The following SLC5A12 variants were observed in gnomAD, a reference collection of about 807,000 sequenced individuals.
The protein encoded by SLC5A12 is sodium-coupled monocarboxylate transporter 2.
Under a neutral mutation model 72.7 loss-of-function variants are expected in SLC5A12, and 46 were observed. That is an observed-to-expected ratio of 0.63 (90% CI 0.50 to 0.81). SLC5A12 has a LOEUF of 0.81. Among genes scored for constraint, SLC5A12 ranks in the 30% least tolerant of loss-of-function variants. The probability of loss-of-function intolerance (pLI) is 0.00; values close to 1 mark genes in which losing one functional copy is unlikely to be tolerated. For synonymous variants in SLC5A12, 275 were observed against 264.4 expected (o/e 1.04, Z -0.39); for missense variants, 683 against 740.7 (o/e 0.92, Z 0.90).
At position 26,721,710 on chromosome 11, in the gene SLC5A12, T is replaced by C. The variant is rs1239740578; in HGVS notation, c.5A>G (p.Glu2Gly). The C allele has an allele frequency of 6.2e-7, 1 of 1,611,640 alleles. No homozygotes were observed. The highest frequency in any genetic ancestry group is 1.3e-5 in the African/African-American group (1 of 74,756). Reference protein sequence around the residue: MEVKNFAVWDYV... With the variant: MGVKNFAVWDYV... ...ATCCCAAACTGCAAAGTTCTTCACCTCCATATTGGAAAGTATGACACCAGA... is the reference window on the plus strand; with the variant it reads ...ATCCCAAACTGCAAAGTTCTTCACCCCCATATTGGAAAGTATGACACCAGA... The change falls in exon 1 of 15, where the codon GAG (glutamate) becomes GGG (glycine). Residue 2 changes from glutamate to glycine, a missense_variant. Physicochemically the swap from Glu to Gly is moderately conservative, Grantham distance 98. Transcript: ENST00000396005.
intron 3 of SLC5A12, among the ~76,000 whole-genome samples, chr11:26,710,587 C>G (rs1439602116): frequency 6.6e-6 from 1 of 152,018 alleles, no homozygotes; most frequent in Non-Finnish European, 1.5e-5. Flanking sequence ...TTGCATTTCT[C>G]TAATTACCAG....
At chr11:26,675,441 T>C (rs1053361473) in intron 13 of SLC5A12, among the ~76,000 whole-genome samples, 1 of 152,136 alleles carries the variant, frequency 6.6e-6, no homozygotes, top group Non-Finnish European at 1.5e-5. Flanking sequence ...TATCATCTCT[T>C]TCATGAGCAA....
rs1565185557 is a variant in SLC5A12 at position 26,680,306 on chromosome 11, T to TATATATATGTATATATATTC, written c.1475+748_1475+749insGAATATATATACATATATAT. ...CTTTATATATATGTATATATATTCA[T>TATATATATGTATATATATTC]ATATATATATGTATATATATTCATA... On this transcript the variant is annotated intron_variant, in intron 12 of 14. Coordinates refer to ENST00000396005, the MANE Select transcript of SLC5A12 (RefSeq NM_178498.4). Among the ~76,000 whole-genome samples the TATATATATGTATATATATTC allele has an allele frequency of 8.0e-3, 171 of 21,276 alleles. 33 individuals carry two copies. Among genetic ancestry groups the TATATATATGTATATATATTC allele is most frequent in the East Asian group, 0.033 (13 of 400 alleles). The allele number at this position is 21,276 out of a possible 152,430, so 14.0% of individuals were successfully genotyped here.
chr11:26,692,471 T>C lies in SLC5A12; in HGVS notation c.1153+18A>G. 3 of 1,521,238 alleles carry C rather than the reference T, an allele frequency of 2.0e-6. No homozygotes were observed. Among genetic ancestry groups the C allele is most frequent in the Non-Finnish European group, 2.7e-6 (3 of 1,095,186 alleles). 94.2% of individuals were successfully genotyped at this position (1,521,238 alleles called of 1,614,324 possible). A position where few individuals can be genotyped will look rare whatever the true frequency, so the allele number is the denominator to read the frequency against. ...ACATTTCATGATATGGAATAGAAAG[T>C]CCACCAGCTGTACCTACATAAGCCT... On this transcript the variant is annotated intron_variant, in intron 9 of 14. Transcript: ENST00000396005.
chr11:26,681,272 G>A (rs1854407011), intron 11 of SLC5A12, 51 bp from the exon 12 acceptor site: 1 of 1,452,396 alleles, frequency 6.9e-7, no homozygotes, highest in South Asian at 1.4e-5. Flanking sequence ...GCTGTCTATG[G>A]AAAGAATAAT....
chr11:26,698,294 T>G, intron 7 of SLC5A12, 112 bp downstream of exon 7: 1 of 1,372,884 alleles, frequency 7.3e-7, no homozygotes, highest in Non-Finnish European at 9.8e-7. Context: ...TCTTGGGGTT[T>G]GAGAAATAGT....
chr11:26,722,874 T>A (rs750391687), upstream of SLC5A12, among the ~76,000 whole-genome samples: 18 of 150,682 alleles, frequency 1.2e-4, no homozygotes, highest in Admixed American at 2.7e-4. Flanking sequence ...TTCTACAAGA[T>A]CTAGTATGAG....
intron 1 of SLC5A12, among the ~76,000 whole-genome samples, chr11:26,719,868 TGATATCTA>T (rs1291754926): frequency 6.6e-6 from 1 of 152,208 alleles, no homozygotes; most frequent in Non-Finnish European, 1.5e-5. Context: ...ATTTAGCATA[TGATATCTA>T]AAGTTAGACT....
At chr11:26,687,676 A>G (rs895848429) in intron 9 of SLC5A12, among the ~76,000 whole-genome samples, 13 of 152,206 alleles carry the variant, frequency 8.5e-5, no homozygotes, top group Admixed American at 6.5e-4. Context: ...TCATTACATG[A>G]TATTCCTTAT....
intron 13 of SLC5A12, among the ~76,000 whole-genome samples, chr11:26,677,065 T>C (rs1252761316): frequency 1.3e-5 from 2 of 152,188 alleles, no homozygotes; most frequent in East Asian, 1.9e-4. Flanking sequence ...TGTTAAAGCC[T>C]CTTAGTGAGC....
At chr11:26,691,164 C>A (rs1007692302) in intron 9 of SLC5A12, among the ~76,000 whole-genome samples, 2 of 151,630 alleles carry the variant, frequency 1.3e-5, no homozygotes, top group East Asian at 1.9e-4. Context: ...CAAAAATATA[C>A]AAATCATTAC....
At chr11:26,683,409 C>T (rs144454199) in intron 11 of SLC5A12, among the ~76,000 whole-genome samples, 169 of 152,164 alleles carry the variant, frequency 1.1e-3, no homozygotes, top group African/African-American at 3.4e-3. Flanking sequence ...TTTGTAAATA[C>T]GAATTTTCAA....
At chr11:26,694,461 A>C (rs948521771) in intron 8 of SLC5A12, among the ~76,000 whole-genome samples, 3 of 152,156 alleles carry the variant, frequency 2.0e-5, no homozygotes, top group African/African-American at 7.2e-5. Context: ...GGGACGAAAG[A>C]AAGGACAGAG....
At chr11:26,685,379 G>T (rs946560427) in intron 10 of SLC5A12, among the ~76,000 whole-genome samples, 7 of 152,074 alleles carry the variant, frequency 4.6e-5, no homozygotes, top group Non-Finnish European at 1.0e-4. Flanking sequence ...CCCAGCACTC[G>T]GAGGCCGAGG....
At chr11:26,708,279 A>G (rs1288485319) in intron 4 of SLC5A12, among the ~76,000 whole-genome samples, 3 of 152,026 alleles carry the variant, frequency 2.0e-5, no homozygotes, top group Non-Finnish European at 2.9e-5. Flanking sequence ...CAGAGCAACT[A>G]ATCTATTATA....
Position 26,671,064 on chromosome 11 carries a change from T to TGTGTGTGC in SLC5A12, c.*37_*38insGCACACAC. 2 of 1,566,790 alleles carry TGTGTGTGC rather than the reference T, an allele frequency of 1.3e-6. No homozygotes were observed. The highest frequency in any genetic ancestry group is 2.3e-5 in the South Asian group (2 of 85,506). ...TGTGGAGTTTGTGTGTGTGTGTGTGTATTGCACGTGTGTGTGTGCATTCAT... is the reference window on the plus strand; with the variant it reads ...TGTGGAGTTTGTGTGTGTGTGTGTGTGTGTGTGCATTGCACGTGTGTGTGTGCATTCAT... On this transcript the variant is annotated 3_prime_UTR_variant, in exon 15 of 15. Transcript: ENST00000396005.
chr11:26,673,513 C>A lies in SLC5A12; in HGVS notation c.1596G>T (p.Glu532Asp). ...GTCTAATTAACAGTGGTTGAATATC[C>A]TCACCTCTTTGGCGACCTATTAACA... ...ISLITGRQRGEDIQPLLIRPV... is the reference protein window; with the variant it reads ...ISLITGRQRGDDIQPLLIRPV... The change falls in exon 14 of 15, where the codon GAG becomes GAT. Residue 532 changes from glutamate (E) to aspartate (D), a missense_variant. Transcript: ENST00000396005. 1 of 1,607,638 alleles carries A rather than the reference C, an allele frequency of 6.2e-7. No individual in the cohort carries two copies. The highest frequency in any genetic ancestry group is 8.5e-7 in the Non-Finnish European group (1 of 1,177,098).
rs1421616720 is a variant in SLC5A12, at chr11:26,686,468, T to C, written c.1221+9A>G. Reference sequence around the variant, plus strand: ...TGAAACCAAATGTGTCTTTTCCTTCTTTCGTTACCTGCACAACACCTCCCA... The same window carrying C: ...TGAAACCAAATGTGTCTTTTCCTTCCTTCGTTACCTGCACAACACCTCCCA... On this transcript the variant is annotated intron_variant, in intron 10 of 14. Coordinates refer to ENST00000396005, the MANE Select transcript of SLC5A12 (RefSeq NM_178498.4). The C allele has an allele frequency of 6.2e-7, 1 of 1,613,504 alleles. No homozygotes were observed. The highest frequency in any genetic ancestry group is 8.5e-7 in the Non-Finnish European group (1 of 1,179,650).
chr11:26,718,960 G>A (rs1398012620), intron 1 of SLC5A12, among the ~76,000 whole-genome samples: 1 of 152,060 alleles, frequency 6.6e-6, no homozygotes, highest in East Asian at 1.9e-4. Context: ...AAACAATTTA[G>A]TAAATTAAAT....
Sources: allele counts gnomAD v4.1 joint callset (sites outside exome capture counted in the v4.1 genomes callset), GRCh38; gene constraint gnomAD v4.1.1; transcripts MANE v1.5; gene names NCBI Gene and HGNC (gene_info 2026-07-23, HGNC 2026-07-21).